Variants in LINGO1 observed in about 807,000 individuals in gnomAD.
LINGO1 encodes the protein leucine rich repeat and Ig domain containing 1, also known as leucine-rich repeat and immunoglobulin-like domain-containing nogo receptor-interacting protein 1.
LINGO1 carries 11 observed loss-of-function variants against 37.3 expected under a neutral mutation model. The observed-to-expected ratio is 0.29, with a 90% CI of 0.19 to 0.49. LINGO1 has a LOEUF of 0.49. Ranked by LOEUF, LINGO1 falls within the 20% of genes least tolerant of loss-of-function variation. The pLI, the probability that LINGO1 is intolerant of heterozygous loss-of-function variation, is 0.99. For synonymous variants in LINGO1, 387 were observed against 403.0 expected (o/e 0.96, Z 0.48); for missense variants, 585 against 878.2 (o/e 0.67, Z 4.22).
intron 2 of LINGO1, among the ~76,000 whole-genome samples, chr15:77,713,753 C>T (rs11630598): frequency 0.35 from 53,222 of 152,000 alleles, 10,323 homozygotes; most frequent in Admixed American, 0.5. Flanking sequence ...AAGGTATACG[C>T]GTCATCATGC....
chr15:77,748,386 G>A (rs372743528), intron 1 of LINGO1, among the ~76,000 whole-genome samples: 75 of 152,356 alleles, frequency 4.9e-4, no homozygotes, highest in East Asian at 1.9e-3. Flanking sequence ...TCTATAAAAC[G>A]GGGATAGTAG....
At chr15:77,772,380 C>T (rs1043539996) in intron 1 of LINGO1, among the ~76,000 whole-genome samples, 3 of 152,226 alleles carry the variant, frequency 2.0e-5, no homozygotes, top group Non-Finnish European at 4.4e-5. Context: ...TCGGTTTCCT[C>T]ATCCGTAAGA....
intron 1 of LINGO1, among the ~76,000 whole-genome samples, chr15:77,778,831 G>C (rs2076686972): frequency 6.6e-6 from 1 of 152,058 alleles, no homozygotes; most frequent in African/African-American, 2.4e-5. Context: ...CCAAGTCATG[G>C]CATGTCACTC....
At chr15:77,733,769 G>C (rs1193870901) in intron 2 of LINGO1, among the ~76,000 whole-genome samples, 2 of 152,176 alleles carry the variant, frequency 1.3e-5, no homozygotes, top group Non-Finnish European at 2.9e-5. Context: ...CAGTCTGCCT[G>C]GATTAGGTCC....
At chr15:77,750,411 C>T (rs1301012411) in intron 1 of LINGO1, among the ~76,000 whole-genome samples, 5 of 152,244 alleles carry the variant, frequency 3.3e-5, no homozygotes, top group African/African-American at 4.8e-5. Flanking sequence ...TACACACACA[C>T]AGCCGCCCAC....
At chr15:77,792,596 A>G (rs546550296) in intron 2 of LINGO1, among the ~76,000 whole-genome samples, 28 of 152,346 alleles carry the variant, frequency 1.8e-4, no homozygotes, top group Non-Finnish European at 3.8e-4. Flanking sequence ...AGGGCTCCAG[A>G]GAAGGGCTCC....
chr15:77,669,413 C>A (rs1461825261), intron 3 of LINGO1, among the ~76,000 whole-genome samples: 1 of 152,230 alleles, frequency 6.6e-6, no homozygotes, highest in Admixed American at 6.5e-5. Flanking sequence ...TCCCCCTTCA[C>A]CTCGCTAGCC....
intron 3 of LINGO1, among the ~76,000 whole-genome samples, chr15:77,652,483 A>AGAGTGTGTGTGTGTGT (rs1555525720): frequency 2.3e-5 from 3 of 128,878 alleles, no homozygotes; most frequent in East Asian, 2.4e-4. Flanking sequence ...GGGGAGGGAG[A>AGAGTGTGTGTGTGTGT]GTGTGTGTGT....
At chr15:77,680,728 C>G (rs1451029087) in intron 2 of LINGO1, among the ~76,000 whole-genome samples, 1 of 152,182 alleles carries the variant, frequency 6.6e-6, no homozygotes, top group East Asian at 1.9e-4. Context: ...AGAGCTTTTT[C>G]CTTGACTTGG....
chr15:77,703,121 G>C (rs983180151), intron 2 of LINGO1, among the ~76,000 whole-genome samples: 1 of 152,156 alleles, frequency 6.6e-6, no homozygotes, highest in Admixed American at 6.5e-5. Flanking sequence ...TCGCAGGCTC[G>C]CAGATAAGCC....
At chr15:77,742,176 G>A (rs1263871763) in intron 1 of LINGO1, among the ~76,000 whole-genome samples, 1 of 152,234 alleles carries the variant, frequency 6.6e-6, no homozygotes, top group African/African-American at 2.4e-5. Flanking sequence ...AGCTCAGACT[G>A]GGCCAGAGAA....
chr15:77,817,077 C>A (rs1123552), intron 1 of LINGO1, among the ~76,000 whole-genome samples: 76,411 of 152,076 alleles, frequency 0.5, 20,793 homozygotes, highest in Non-Finnish European at 0.62. Context: ...CCGCCCGGGA[C>A]GGGGAAGCCA....
chr15:77,770,477 C>T (rs2076573551), intron 1 of LINGO1, among the ~76,000 whole-genome samples: 1 of 151,050 alleles, frequency 6.6e-6, no homozygotes, highest in Non-Finnish European at 1.5e-5. Flanking sequence ...ATTCCAGCTA[C>T]TCAGGAGACT....
At chr15:77,790,208 T>C (rs1329426964), upstream of LINGO1, among the ~76,000 whole-genome samples, 1 of 152,226 alleles carries the variant, frequency 6.6e-6, no homozygotes. Flanking sequence ...GTTTTAGTGC[T>C]GACTTGGCCC....
At chr15:77,686,238 G>A (rs1273490274) in intron 2 of LINGO1, among the ~76,000 whole-genome samples, 1 of 152,040 alleles carries the variant, frequency 6.6e-6, no homozygotes, top group African/African-American at 2.4e-5. Flanking sequence ...CCCCTGCTCC[G>A]AGAACCTCAA....
intron 3 of LINGO1, among the ~76,000 whole-genome samples, chr15:77,661,366 C>A (rs1157028068): frequency 6.6e-6 from 1 of 152,232 alleles, no homozygotes; most frequent in Non-Finnish European, 1.5e-5. Context: ...ACAAGCTGCC[C>A]CCAATGCCCA....
At chr15:77,648,348 C>T (rs1181946525) in intron 3 of LINGO1, 1 of 161,502 alleles carries the variant, frequency 6.2e-6, no homozygotes, top group Non-Finnish European at 1.3e-5. Context: ...ACTAGCCCAG[C>T]TACTGTCACA....
At chr15:77,775,923 C>G (rs776227439) in intron 1 of LINGO1, among the ~76,000 whole-genome samples, 3 of 152,184 alleles carry the variant, frequency 2.0e-5, no homozygotes, top group African/African-American at 4.8e-5. Flanking sequence ...CAGCATCCCC[C>G]CCATGCCCTC....
At chr15:77,748,416 C>A (rs1209066293) in intron 1 of LINGO1, among the ~76,000 whole-genome samples, 1 of 152,238 alleles carries the variant, frequency 6.6e-6, no homozygotes, top group Non-Finnish European at 1.5e-5. Context: ...TACAGTGTCA[C>A]TGCAGGGATT....
Sources: gnomAD v4.1 joint callset for allele counts (sites outside exome capture counted in the v4.1 genomes callset) on GRCh38, gnomAD v4.1.1 for gene constraint, MANE v1.5 for transcripts, NCBI Gene and HGNC (gene_info 2026-07-23, HGNC 2026-07-21) for gene names.